PLAUR: variants seen among roughly 807,000 people sequenced by gnomAD.
PLAUR encodes the protein plasminogen activator, urokinase receptor, also known as urokinase plasminogen activator surface receptor.
A neutral mutation model predicts 33.4 loss-of-function variants in PLAUR; 22 were observed. The ratio of observed to expected loss-of-function variants is 0.66; its 90% CI spans 0.47 to 0.94. The LOEUF (loss-of-function observed/expected upper bound fraction) is 0.94, where lower values mean the gene tolerates loss of function less well. Among genes scored for constraint, PLAUR ranks in the 40% least tolerant of loss-of-function variants. PLAUR has a pLI of 0.00. For synonymous variants in PLAUR, 148 were observed against 167.3 expected (o/e 0.88, Z 0.89); for missense variants, 408 against 434.7 (o/e 0.94, Z 0.55).
intron 3 of PLAUR, among the ~76,000 whole-genome samples, chr19:43,658,912 C>G (rs1348920200): frequency 6.6e-6 from 1 of 152,132 alleles, no homozygotes. Flanking sequence ...CTGTTCATAC[C>G]TAGAACACCT....
At chr19:43,650,962 G>T (rs984459012) in intron 6 of PLAUR, among the ~76,000 whole-genome samples, 2 of 151,536 alleles carry the variant, frequency 1.3e-5, no homozygotes. Flanking sequence ...GAACCCAGGA[G>T]GGGGAGGTTG....
chr19:43,654,735 C>G (rs1365839755), intron 5 of PLAUR, among the ~76,000 whole-genome samples: 5 of 151,628 alleles, frequency 3.3e-5, no homozygotes, highest in Non-Finnish European at 5.9e-5. Context: ...CCCTGTCCCC[C>G]CCATACCCCC....
At chr19:43,667,879 C>G in intron 1 of PLAUR, 188 bp from the exon 2 acceptor site, 1 of 1,426,016 alleles carries the variant, frequency 7.0e-7, no homozygotes, top group South Asian at 1.5e-5. Context: ...CTACCTCCAC[C>G]CCACTAACTG....
At chr19:43,652,172 G>T in intron 6 of PLAUR, 53 bp downstream of exon 6, 3 of 1,595,914 alleles carry the variant, frequency 1.9e-6, no homozygotes, top group Non-Finnish European at 2.6e-6. Flanking sequence ...AATCTCTTGC[G>T]GAACTCTCCA....
At chr19:43,668,090 G>T (rs935311105) in intron 1 of PLAUR, 19 of 1,023,832 alleles carry the variant, frequency 1.9e-5, no homozygotes, top group South Asian at 1.0e-4. Context: ...TGCTGGGGAC[G>T]TTCTAGCCTT....
chr19:43,666,722 C>A (rs1051332237), intron 2 of PLAUR, among the ~76,000 whole-genome samples: 2 of 151,818 alleles, frequency 1.3e-5, no homozygotes, highest in African/African-American at 4.8e-5. Flanking sequence ...TGCCTGCCAC[C>A]AAGCCCGGCT....
intron 2 of PLAUR, 105 bp from the exon 3 acceptor site, chr19:43,665,564 G>T: frequency 8.8e-7 from 1 of 1,133,222 alleles, no homozygotes; most frequent in East Asian, 2.5e-5. Context: ...ATCTCTGCTA[G>T]GCCTCTTCTG....
intron 3 of PLAUR, among the ~76,000 whole-genome samples, chr19:43,659,594 G>A (rs385780): frequency 0.34 from 52,219 of 151,980 alleles, 9,947 homozygotes; most frequent in Non-Finnish European, 0.43. Flanking sequence ...CTCCAGACAC[G>A]CAACTGTCTC....
chr19:43,649,801 C>A (rs904430560), intron 6 of PLAUR, among the ~76,000 whole-genome samples: 1 of 151,944 alleles, frequency 6.6e-6, no homozygotes, highest in Admixed American at 6.6e-5. Context: ...GGCTCAGGGA[C>A]CCCAGAGACC....
Position 43,670,129 on chromosome 19 carries a change from G to A in PLAUR, c.-9C>T. 6.2e-7 allele frequency: 1 copy of A among 1,609,362 alleles called. No individual in the cohort carries two copies. The highest frequency in any genetic ancestry group is 8.5e-7 in the Non-Finnish European group (1 of 1,177,602). ...AGCGGCGGGTGACCCATGTCGCGAG[G>A]GCAGCTCCTGTGCGCGGGGTCCCTG... On this transcript the variant is annotated 5_prime_UTR_variant, in exon 1 of 7. Transcript: ENST00000340093.
chr19:43,666,217 T>C (rs1967239247), intron 2 of PLAUR, among the ~76,000 whole-genome samples: 2 of 152,130 alleles, frequency 1.3e-5, no homozygotes, highest in African/African-American at 2.4e-5. Context: ...TGTGAGCTAC[T>C]GTGCTTGGCT....
chr19:43,662,735 T>A (rs969641881), intron 3 of PLAUR, among the ~76,000 whole-genome samples: 1 of 112,838 alleles, frequency 8.9e-6, no homozygotes, highest in Admixed American at 9.0e-5. Flanking sequence ...TTTTTTTTTT[T>A]GCAGGATCTC....
intron 1 of PLAUR, 100 bp downstream of exon 1, chr19:43,669,966 T>A (rs1967452832): frequency 3.6e-6 from 4 of 1,099,138 alleles, no homozygotes; most frequent in East Asian, 2.5e-5. Context: ...GGGAGGATGC[T>A]GAGGACTGAA....
intron 5 of PLAUR, 103 bp downstream of exon 5, chr19:43,655,336 G>A (rs1974161652): frequency 9.6e-7 from 1 of 1,036,736 alleles, no homozygotes; most frequent in Non-Finnish European, 1.4e-6. Flanking sequence ...AGCAAACAGA[G>A]GCCCAGAGAG....
chr19:43,656,004 C>T (rs1350005270), intron 4 of PLAUR, among the ~76,000 whole-genome samples: 1 of 152,112 alleles, frequency 6.6e-6, no homozygotes, highest in East Asian at 1.9e-4. Context: ...CTTGTAATCC[C>T]AGCACTTTGG....
rs111945639 is a variant in PLAUR at position 43,662,355 on chromosome 19, G to A, written c.310+2961C>T. The stretch of plus-strand genomic sequence containing the variant: ...TACTAAAAATTCAAAAAAATTAGCC[G>A]GGCATGGTGGCGGGTGCCTGTAATC... On this transcript the variant is annotated intron_variant, in intron 3 of 6. Coordinates refer to ENST00000340093, the MANE Select transcript of PLAUR (RefSeq NM_002659.4). Among the ~76,000 whole-genome samples, 1,302 of 152,098 alleles carry A rather than the reference G, an allele frequency of 8.6e-3. 18 individuals are homozygous for A. Among genetic ancestry groups the A allele is most frequent in the African/African-American group, 0.03 (1,228 of 41,500 alleles).
chr19:43,668,397 C>T, intron 1 of PLAUR: 6 of 724,974 alleles, frequency 8.3e-6, no homozygotes, highest in Non-Finnish European at 1.0e-5. Context: ...CTTATCTTCC[C>T]GCCCCCTAGC....
At chr19:43,652,145 C>T in intron 6 of PLAUR, 80 bp downstream of exon 6, 3 of 1,575,606 alleles carry the variant, frequency 1.9e-6, no homozygotes, top group Non-Finnish European at 2.6e-6. Context: ...CAGTTAACTC[C>T]AGCTTAACTG....
intron 3 of PLAUR, chr19:43,660,808 T>G (rs1370840304): frequency 6.6e-6 from 1 of 151,626 alleles, no homozygotes; most frequent in Admixed American, 6.6e-5. Context: ...ACGCCAGACA[T>G]TCTAGATAAA....
Sources: allele counts gnomAD v4.1 joint callset (sites outside exome capture counted in the v4.1 genomes callset), GRCh38; gene constraint gnomAD v4.1.1; transcripts MANE v1.5; gene names NCBI Gene and HGNC (gene_info 2026-07-23, HGNC 2026-07-21).